Variants in CDH12 observed in about 807,000 individuals in gnomAD.
The protein encoded by CDH12 is cadherin 12.
CDH12 carries 41 observed loss-of-function variants against 74.1 expected under a neutral mutation model. The ratio of observed to expected loss-of-function variants is 0.55; its 90% confidence interval spans 0.43 to 0.72. The LOEUF (loss-of-function observed/expected upper bound fraction) is 0.72. Ranked by LOEUF, CDH12 falls within the 30% of genes least tolerant of loss-of-function variation. CDH12 has a pLI of 0.00. For synonymous variants in CDH12, 399 were observed against 355.0 expected (o/e 1.12, Z -1.39); for missense variants, 945 against 977.2 (o/e 0.97, Z 0.44).
intron 3 of CDH12, among the ~76,000 whole-genome samples, chr5:22,337,962 C>T (rs1739665958): frequency 6.6e-6 from 1 of 152,134 alleles, no homozygotes; most frequent in South Asian, 2.1e-4. Context: ...CCTTTGTACA[C>T]TGTTGGTGGG....
intron 5 of CDH12, among the ~76,000 whole-genome samples, chr5:22,044,858 G>A (rs1484550046): frequency 3.3e-5 from 5 of 152,146 alleles, no homozygotes; most frequent in Non-Finnish European, 7.3e-5. Flanking sequence ...AAGAAAACAG[G>A]GGAAATGCTA....
intron 3 of CDH12, among the ~76,000 whole-genome samples, chr5:22,331,369 G>T: frequency 6.6e-6 from 1 of 152,314 alleles, no homozygotes; most frequent in Non-Finnish European, 1.5e-5. Flanking sequence ...GTTCAGCACA[G>T]AAAGAGAGAC....
intron 1 of CDH12, among the ~76,000 whole-genome samples, chr5:22,625,881 T>C (rs1159150526): frequency 6.6e-6 from 1 of 152,132 alleles, no homozygotes; most frequent in Non-Finnish European, 1.5e-5. Flanking sequence ...CTTCCCCTTT[T>C]GCCTTGCCGG....
chr5:22,625,536 G>C (rs1738242570), intron 1 of CDH12, among the ~76,000 whole-genome samples: 1 of 152,118 alleles, frequency 6.6e-6, no homozygotes, highest in Non-Finnish European at 1.5e-5. Flanking sequence ...GGTTGTAGTG[G>C]AGTATGGCCA....
intron 4 of CDH12, among the ~76,000 whole-genome samples, chr5:22,080,767 C>T (rs1742669321): frequency 6.6e-6 from 1 of 151,370 alleles, no homozygotes; most frequent in Non-Finnish European, 1.5e-5. Context: ...ATTAATTTTG[C>T]TTCTTTCTTT....
chr5:21,803,066 T>G (rs901499740), intron 9 of CDH12, among the ~76,000 whole-genome samples: 1 of 152,078 alleles, frequency 6.6e-6, no homozygotes, highest in Admixed American at 6.6e-5. Context: ...ATTTCTCTGC[T>G]CTTATCCAAT....
intron 1 of CDH12, among the ~76,000 whole-genome samples, chr5:22,550,741 G>GT (rs1235077976): frequency 2.0e-5 from 3 of 152,090 alleles, no homozygotes; most frequent in Non-Finnish European, 4.4e-5. Context: ...CAGTTATAAC[G>GT]TTTTTCTGCT....
chr5:21,909,891 T>G (rs1158731055), intron 6 of CDH12, among the ~76,000 whole-genome samples: 1 of 152,114 alleles, frequency 6.6e-6, no homozygotes, highest in Non-Finnish European at 1.5e-5. Context: ...CAAACCAATA[T>G]CTTAAATATC....
At chr5:22,606,324 G>A (rs75518118) in intron 1 of CDH12, among the ~76,000 whole-genome samples, 6,734 of 152,154 alleles carry the variant, frequency 0.044, 211 homozygotes, top group Middle Eastern at 0.078. Flanking sequence ...CCATCTCATG[G>A]GTGTCACTGC....
intron 5 of CDH12, among the ~76,000 whole-genome samples, chr5:21,993,237 T>C (rs1213905513): frequency 6.6e-6 from 1 of 152,144 alleles, no homozygotes; most frequent in Non-Finnish European, 1.5e-5. Flanking sequence ...CAATTATGAC[T>C]GAAATGTAAC....
intron 2 of CDH12, among the ~76,000 whole-genome samples, chr5:22,483,110 T>A (rs1746446525): frequency 6.6e-6 from 1 of 152,162 alleles, no homozygotes; most frequent in African/African-American, 2.4e-5. Flanking sequence ...TTTTAATTGA[T>A]CAATGAAATT....
At chr5:22,164,830 G>T (rs548131340) in intron 4 of CDH12, among the ~76,000 whole-genome samples, 2 of 143,094 alleles carry the variant, frequency 1.4e-5, no homozygotes, top group Non-Finnish European at 3.0e-5. Flanking sequence ...TCCCAGCTAG[G>T]CTTAGGGATT....
At chr5:22,752,920 A>C (rs1745670432) in intron 1 of CDH12, among the ~76,000 whole-genome samples, 1 of 151,946 alleles carries the variant, frequency 6.6e-6, no homozygotes, top group Admixed American at 6.6e-5. Flanking sequence ...AAGACAGATA[A>C]GGCAAGTAAT....
At chr5:22,044,846 A>G (rs965980310) in intron 5 of CDH12, among the ~76,000 whole-genome samples, 2 of 152,226 alleles carry the variant, frequency 1.3e-5, no homozygotes, top group African/African-American at 4.8e-5. Context: ...TGAAACTACT[A>G]GAAGAAAACA....
rs145204427 is a variant in CDH12, at chr5:21,828,692, G to A, written c.815-11560C>T. 4.7e-3 allele frequency among the ~76,000 whole-genome samples: 718 copies of A among 151,724 alleles called. 4 individuals are homozygous for A. The highest frequency in any genetic ancestry group is 0.014 in the African/African-American group (579 of 41,360). On this transcript the variant is annotated intron_variant, in intron 8 of 14. Transcript: ENST00000382254. ...TGGTTTACATTTTCTGTCTTTTCCC[G>A]CATTTTATTTTTTTAATATTTTCTG... is the stretch of plus-strand genomic sequence containing the variant.
At chr5:22,630,569 T>A (rs1738533424) in intron 1 of CDH12, among the ~76,000 whole-genome samples, 1 of 152,158 alleles carries the variant, frequency 6.6e-6, no homozygotes, top group South Asian at 2.1e-4. Context: ...TAAGTGCTAC[T>A]GGGATAATTG....
At chr5:22,672,801 G>T (rs1016183295) in intron 1 of CDH12, among the ~76,000 whole-genome samples, 2 of 152,076 alleles carry the variant, frequency 1.3e-5, no homozygotes, top group Non-Finnish European at 2.9e-5. Context: ...TTTGAATTTT[G>T]CATATTCCTC....
chr5:22,339,735 C>G (rs1054395566), intron 3 of CDH12, among the ~76,000 whole-genome samples: 24 of 152,100 alleles, frequency 1.6e-4, no homozygotes, highest in African/African-American at 5.8e-4. Flanking sequence ...GAACAATATT[C>G]ACAAGCCTTT....
intron 1 of CDH12, among the ~76,000 whole-genome samples, chr5:22,728,123 A>T: frequency 6.6e-6 from 1 of 151,740 alleles, no homozygotes; most frequent in East Asian, 1.9e-4. Context: ...GCAATTTTTT[A>T]TCCTTTTATT....
Sources: allele counts gnomAD v4.1 joint callset (sites outside exome capture counted in the v4.1 genomes callset), GRCh38; gene constraint gnomAD v4.1.1; transcripts MANE v1.5; gene names NCBI Gene and HGNC (gene_info 2026-07-23, HGNC 2026-07-21).